Variants in VWA3B observed in about 807,000 individuals in gnomAD.
VWA3B encodes von Willebrand factor A domain containing 3B.
Under a neutral mutation model 158.3 loss-of-function variants are expected in VWA3B, and 138 were observed. The observed-to-expected ratio is 0.87, with a 90% CI of 0.76 to 1.00. The LOEUF (loss-of-function observed/expected upper bound fraction) is 1.00. Among genes scored for constraint, VWA3B ranks in the 50% least tolerant of loss-of-function variants. The probability of loss-of-function intolerance (pLI) is 0.00; values close to 1 mark genes in which losing one functional copy is unlikely to be tolerated. For synonymous variants in VWA3B, 596 were observed against 587.3 expected (o/e 1.01, Z -0.21); for missense variants, 1,555 against 1,565.1 (o/e 0.99, Z 0.11).
intron 7 of VWA3B, among the ~76,000 whole-genome samples, chr2:98,151,685 G>A (rs1454882348): frequency 2.0e-5 from 3 of 152,196 alleles, no homozygotes; most frequent in Non-Finnish European, 2.9e-5. Flanking sequence ...TCTGAGTTTT[G>A]CCACTAAATA....
At chr2:98,152,034 G>A (rs952498945) in intron 7 of VWA3B, among the ~76,000 whole-genome samples, 2 of 152,230 alleles carry the variant, frequency 1.3e-5, no homozygotes, top group African/African-American at 4.8e-5. Flanking sequence ...TTTGGAACAA[G>A]GGAGTGAATA....
At chr2:98,174,042 A>G (rs1679814391) in intron 8 of VWA3B, among the ~76,000 whole-genome samples, 1 of 152,178 alleles carries the variant, frequency 6.6e-6, no homozygotes, top group Admixed American at 6.5e-5. Context: ...TTGGACCCCT[A>G]ATTATGGAAA....
At chr2:98,115,794 A>AT in intron 3 of VWA3B, 48 bp downstream of exon 3, 7 of 1,480,998 alleles carry the variant, frequency 4.7e-6, no homozygotes, top group Non-Finnish European at 6.6e-6. Flanking sequence ...TGGTGCTGAC[A>AT]TCACATCGGA....
At chr2:98,198,914 G>A (rs1405817105) in intron 12 of VWA3B, among the ~76,000 whole-genome samples, 2 of 151,908 alleles carry the variant, frequency 1.3e-5, no homozygotes, top group East Asian at 3.9e-4. Context: ...GTGAAACCCC[G>A]TCTCTACTAA....
At chr2:98,254,003 G>A (rs972080728) in intron 20 of VWA3B, among the ~76,000 whole-genome samples, 8 of 152,104 alleles carry the variant, frequency 5.3e-5, no homozygotes, top group Non-Finnish European at 1.0e-4. Context: ...CAAAGGCTAT[G>A]AAAATGTGCT....
At chr2:98,289,287 G>A (rs1403724843) in intron 22 of VWA3B, among the ~76,000 whole-genome samples, 16 of 152,048 alleles carry the variant, frequency 1.1e-4, no homozygotes, top group Non-Finnish European at 7.3e-5. Context: ...GAGACTTCCT[G>A]CTGTCTGTGA....
At chr2:98,287,538 G>C (rs1424395041) in intron 22 of VWA3B, among the ~76,000 whole-genome samples, 1 of 152,088 alleles carries the variant, frequency 6.6e-6, no homozygotes, top group Non-Finnish European at 1.5e-5. Flanking sequence ...AGATGAATGG[G>C]GATTGGATAT....
chr2:98,204,278 G>C (rs754385185), intron 12 of VWA3B, among the ~76,000 whole-genome samples: 9 of 152,160 alleles, frequency 5.9e-5, no homozygotes, highest in Non-Finnish European at 1.2e-4. Context: ...GCAGCGGATA[G>C]AACTTCCAGT....
At chr2:98,104,854 A>G (rs1249655891) in intron 2 of VWA3B, among the ~76,000 whole-genome samples, 1 of 152,192 alleles carries the variant, frequency 6.6e-6, no homozygotes, top group Non-Finnish European at 1.5e-5. Flanking sequence ...GTCCACTAAA[A>G]GTAGATTTCA....
intron 22 of VWA3B, 96 bp downstream of exon 22, chr2:98,270,979 C>T (rs80205946): frequency 0.053 from 64,392 of 1,212,702 alleles, 2,114 homozygotes; most frequent in Non-Finnish European, 0.064. Flanking sequence ...TCCCACTCCC[C>T]GCCACACTGA....
chr2:98,128,453 G>C lies in VWA3B; in HGVS notation c.872+45G>C, dbSNP rs777112778. 4.4e-6 allele frequency: 7 copies of C among 1,597,318 alleles called. No individual in the cohort carries two copies. The South Asian group carries it at 7.8e-5, about 18-fold the overall frequency. ...TTGAGTGACAGCAAGCGGGTTGCCT[G>C]CTCACACAGGATCAACAGTGGGTCT... On this transcript the variant is annotated intron_variant, in intron 6 of 27. Coordinates refer to ENST00000477737, the MANE Select transcript of VWA3B (RefSeq NM_144992.5).
intron 9 of VWA3B, among the ~76,000 whole-genome samples, chr2:98,184,249 G>A (rs1680831681): frequency 6.6e-6 from 1 of 152,222 alleles, no homozygotes. Flanking sequence ...CCTTTGATGG[G>A]GATGTGGTGA....
intron 21 of VWA3B, among the ~76,000 whole-genome samples, chr2:98,258,319 A>G (rs1197718559): frequency 7.9e-5 from 12 of 151,868 alleles, no homozygotes; most frequent in Admixed American, 7.2e-4. Context: ...CTTCTATTTC[A>G]AAATTGTTTG....
At chr2:98,174,736 CA>C (rs951920589) in intron 8 of VWA3B, among the ~76,000 whole-genome samples, 12 of 151,948 alleles carry the variant, frequency 7.9e-5, no homozygotes, top group African/African-American at 2.7e-4. Context: ...TGCATATGTT[CA>C]AAAAAAGACT....
intron 4 of VWA3B, among the ~76,000 whole-genome samples, chr2:98,120,552 C>T (rs1001735904): frequency 6.6e-6 from 1 of 152,220 alleles, no homozygotes; most frequent in African/African-American, 2.4e-5. Context: ...AACACAGATG[C>T]CACTCAGCCA....
chr2:98,193,331 AT>A (rs1681755555), intron 11 of VWA3B, among the ~76,000 whole-genome samples: 2 of 152,194 alleles, frequency 1.3e-5, no homozygotes, highest in South Asian at 4.1e-4. Context: ...GAAACTCCTC[AT>A]CTTAGCATTT....
At chr2:98,171,426 C>A (rs992581658) in intron 8 of VWA3B, among the ~76,000 whole-genome samples, 35 of 152,008 alleles carry the variant, frequency 2.3e-4, no homozygotes, top group African/African-American at 8.2e-4. Flanking sequence ...TGGGAGAGAG[C>A]CGGGAGTGTA....
intron 7 of VWA3B, among the ~76,000 whole-genome samples, chr2:98,151,688 A>T (rs1175527707): frequency 2.0e-5 from 3 of 152,220 alleles, no homozygotes; most frequent in Non-Finnish European, 2.9e-5. Context: ...GAGTTTTGCC[A>T]CTAAATACTT....
chr2:98,215,566 A>G lies in VWA3B; in HGVS notation c.1837-2280A>G, dbSNP rs533667244. 2.1e-4 allele frequency among the ~76,000 whole-genome samples: 32 copies of G among 151,220 alleles called. No homozygotes were observed. The East Asian group carries it at 4.9e-3, about 23-fold the overall frequency. On this transcript the variant is annotated intron_variant, in intron 13 of 27. Coordinates refer to ENST00000477737, the MANE Select transcript of VWA3B (RefSeq NM_144992.5). ...AGAGTCTGGCTCTGTCGCCCAGGCTAGAGTGTAGTGGCGCAATCTCGGCTC... is the reference window on the plus strand; with the variant it reads ...AGAGTCTGGCTCTGTCGCCCAGGCTGGAGTGTAGTGGCGCAATCTCGGCTC...
Sources: gnomAD v4.1 joint callset for allele counts (sites outside exome capture counted in the v4.1 genomes callset) on GRCh38, gnomAD v4.1.1 for gene constraint, MANE v1.5 for transcripts, NCBI Gene and HGNC (gene_info 2026-07-23, HGNC 2026-07-21) for gene names.